Variants in MS4A1 observed in about 807,000 individuals in gnomAD.
MS4A1 encodes the protein membrane spanning 4-domains A1.
Under a neutral mutation model 26.5 loss-of-function variants are expected in MS4A1, and 16 were observed. The observed-to-expected ratio is 0.60, with a 90% confidence interval of 0.41 to 0.92. MS4A1 has a LOEUF of 0.92. MS4A1 is among the 40% of genes least tolerant of loss of function. The probability of loss-of-function intolerance (pLI) is 0.00; values close to 1 mark genes in which losing one functional copy is unlikely to be tolerated. For missense variants in MS4A1, 350 were observed against 353.0 expected (o/e 0.99, Z 0.07); for synonymous variants, 128 against 117.6 (o/e 1.09, Z -0.57).
Position 60,463,120 on chromosome 11 carries a change from TG to T in MS4A1, c.279+1del. On this transcript the variant is annotated frameshift_variant and splice_region_variant, in exon 4 of 8. Transcript: ENST00000345732. LOFTEE classifies it high-confidence loss of function. ...TGGTACCCTCTCTGGGGAGGCATTATGGTGAGTAAAAGAATAGCAGCCATTT... is the reference window on the plus strand; with the variant it reads ...TGGTACCCTCTCTGGGGAGGCATTATGTGAGTAAAAGAATAGCAGCCATTT... The part of the protein sequence containing the change: ...TVWYPLWGGI[M>X]YIISGSLLAA... The T allele has an allele frequency of 6.2e-7, 1 of 1,614,150 alleles. No homozygotes were observed. The highest frequency in any genetic ancestry group is 8.5e-7 in the Non-Finnish European group (1 of 1,180,008).
In MS4A1 at chr11:60,460,313, C is replaced by T. The variant is rs146490107; in HGVS notation, c.-279-759C>T. Among the ~76,000 whole-genome samples the T allele has an allele frequency of 6.1e-3, 932 of 152,256 alleles. 12 individuals carry two copies. Among genetic ancestry groups the T allele is most frequent in the African/African-American group, 0.021 (854 of 41,518 alleles). On this transcript the variant is annotated intron_variant, in intron 1 of 7. Coordinates refer to ENST00000345732, the MANE Select transcript of MS4A1 (RefSeq NM_152866.3). ...CTTGGCACAAGTAACCTAGCTTCTC[C>T]GTGCCCTTGTTTCCTCTTCTATAAA...
chr11:60,462,165 C>T lies in MS4A1; in HGVS notation c.-190-20C>T. The T allele has an allele frequency of 4.5e-6, 3 of 664,850 alleles. No homozygotes were observed. In the Admixed American group the frequency reaches 6.2e-5, roughly 14 times the overall value. The allele number at this position is 664,850 out of a possible 1,614,324, so 41.2% of individuals were successfully genotyped here. ...GGCCCACATGCTCTTCCTAAACAACCCCTCCATCTCCTTTCTCAGAACTCA... is the reference window on the plus strand; with the variant it reads ...GGCCCACATGCTCTTCCTAAACAACTCCTCCATCTCCTTTCTCAGAACTCA... On this transcript the variant is annotated intron_variant, in intron 2 of 7. Coordinates refer to ENST00000345732, the MANE Select transcript of MS4A1 (RefSeq NM_152866.3).
At position 60,464,362 on chromosome 11, in the gene MS4A1, C is replaced by T. The variant is rs377012945; in HGVS notation, c.336+18C>T. The T allele has an allele frequency of 1.2e-6, 2 of 1,610,580 alleles. No individual in the cohort carries two copies. Among genetic ancestry groups the T allele is most frequent in the African/African-American group, 2.7e-5 (2 of 74,714 alleles). On this transcript the variant is annotated intron_variant, in intron 5 of 7. Transcript: ENST00000345732. ...AGTGTTTGGCAAGTAACCATATGTC[C>T]TTCTTTCCCACATGTCAGAGAAGTA...
Position 60,470,374 on chromosome 11 carries a change from C to T in MS4A1, c.*1906C>T, listed in dbSNP as rs2086334155. The T allele has an allele frequency of 6.6e-6, 1 of 152,062 alleles. No homozygotes were observed. The highest frequency in any genetic ancestry group is 2.4e-5 in the African/African-American group (1 of 41,534). The allele number at this position is 152,062 out of a possible 1,614,324, so 9.4% of individuals were successfully genotyped here. On this transcript the variant is annotated 3_prime_UTR_variant, in exon 8 of 8. Coordinates refer to ENST00000345732, the MANE Select transcript of MS4A1 (RefSeq NM_152866.3). Reference sequence around the variant, plus strand: ...AAAGTCAGAAATCTTTAAAAAAATACAAGATCTTATTTCTATCTTATTTTT... The same window carrying T: ...AAAGTCAGAAATCTTTAAAAAAATATAAGATCTTATTTCTATCTTATTTTT...
At chr11:60,463,814 A>C (rs1403142899) in intron 4 of MS4A1, 1 of 455,834 alleles carries the variant, frequency 2.2e-6, no homozygotes, top group Non-Finnish European at 4.4e-6. Flanking sequence ...TTCCTGTAAC[A>C]GCCAATGTTT....
intron 4 of MS4A1, chr11:60,463,748 C>T: frequency 2.2e-6 from 1 of 452,356 alleles, no homozygotes; most frequent in Non-Finnish European, 4.5e-6. Flanking sequence ...ACAAGAGTTT[C>T]CTCCATTCTA....
intron 5 of MS4A1, 150 bp downstream of exon 5, chr11:60,464,494 T>C (rs1341532249): frequency 4.2e-6 from 3 of 720,258 alleles, no homozygotes; most frequent in Non-Finnish European, 7.3e-6. Context: ...ATTTTATTTA[T>C]GAAAAACTTA....
Position 60,468,335 on chromosome 11 carries a change from C to T in MS4A1, c.761C>T (p.Ser254Phe). The T allele has an allele frequency of 6.2e-7, 1 of 1,613,976 alleles. No homozygotes were observed. Among genetic ancestry groups the T allele is most frequent in the Non-Finnish European group, 8.5e-7 (1 of 1,179,940 alleles). Reference protein sequence around the residue: ...EEVVGLTETSSQPKNEEDIEI... With the variant: ...EEVVGLTETSFQPKNEEDIEI... ...GTGGTTGGGCTAACTGAAACATCTT[C>T]CCAACCAAAGAATGAAGAAGACATT... Residue 254 changes from serine to phenylalanine, a missense_variant, in exon 8 of 8, where the codon TCC becomes TTC. Physicochemically the swap from Ser to Phe is radical, Grantham distance 155. Transcript: ENST00000345732.
intron 5 of MS4A1, among the ~76,000 whole-genome samples, chr11:60,464,549 A>G (rs1263672801): frequency 6.6e-6 from 1 of 152,240 alleles, no homozygotes; most frequent in Non-Finnish European, 1.5e-5. Context: ...CAGAACTAAA[A>G]GCAGATCCAT....
At chr11:60,458,846 T>C (rs2086225083) in intron 1 of MS4A1, among the ~76,000 whole-genome samples, 1 of 97,132 alleles carries the variant, frequency 1.0e-5, no homozygotes, top group Admixed American at 1.2e-4. Context: ...AAAGATAGTT[T>C]CCATAAGAAA....
At chr11:60,458,579 G>T (rs780433467) in intron 1 of MS4A1, among the ~76,000 whole-genome samples, 1 of 152,154 alleles carries the variant, frequency 6.6e-6, no homozygotes, top group Non-Finnish European at 1.5e-5. Flanking sequence ...GGCTAATGTG[G>T]TCCATAACCC....
In MS4A1 at chr11:60,465,772, CAA is replaced by C. The variant is rs1007736757; in HGVS notation, c.337-147_337-146del. 6.0e-6 allele frequency: 4 copies of C among 661,736 alleles called. No homozygotes were observed. In the African/African-American group the frequency reaches 7.3e-5, roughly 12 times the overall value. The allele number at this position is 661,736 out of a possible 1,614,324, so 41.0% of individuals were successfully genotyped here. On this transcript the variant is annotated intron_variant, in intron 5 of 7. Coordinates refer to ENST00000345732, the MANE Select transcript of MS4A1 (RefSeq NM_152866.3). ...GAGACATGATTTTATTTTATAGTGA[CAA>C]AGAGGCTAAAAACAACTGAGAGAAC...
intron 5 of MS4A1, 93 bp downstream of exon 5, chr11:60,464,437 C>A: frequency 9.5e-7 from 1 of 1,050,670 alleles, no homozygotes; most frequent in Non-Finnish European, 1.5e-6. Flanking sequence ...CAAGGTATCA[C>A]AGCCTCTCAG....
intron 1 of MS4A1, 62 bp from the exon 2 acceptor site, chr11:60,461,010 G>C (rs56133318): frequency 6.6e-6 from 1 of 151,864 alleles, no homozygotes; most frequent in Non-Finnish European, 1.5e-5. Flanking sequence ...TGGGTTCTTT[G>C]CATACATTTA....
chr11:60,468,101 C>G, intron 7 of MS4A1, 149 bp from the exon 8 acceptor site: 1 of 668,290 alleles, frequency 1.5e-6, no homozygotes. Flanking sequence ...ATATAAGCAC[C>G]TGCAAAAAAA....
intron 7 of MS4A1, among the ~76,000 whole-genome samples, chr11:60,467,395 C>T (rs1590847850): frequency 6.6e-6 from 1 of 151,558 alleles, no homozygotes; most frequent in African/African-American, 2.4e-5. Flanking sequence ...TCCTGCCTCA[C>T]CCTCCCGAGT....
At chr11:60,465,705 G>T in intron 5 of MS4A1, 2 of 557,678 alleles carry the variant, frequency 3.6e-6, no homozygotes, top group East Asian at 3.1e-5. Flanking sequence ...AAAACAGATG[G>T]ATGGTGAATG....
intron 5 of MS4A1, 174 bp from the exon 6 acceptor site, chr11:60,465,747 G>A (rs1043860151): frequency 3.2e-6 from 2 of 622,654 alleles, no homozygotes; most frequent in Non-Finnish European, 2.9e-6. Flanking sequence ...GAACAGGATA[G>A]AGACATGATT....
intron 7 of MS4A1, 107 bp from the exon 8 acceptor site, chr11:60,468,143 A>G: frequency 1.9e-6 from 2 of 1,063,852 alleles, no homozygotes; most frequent in East Asian, 2.6e-5. Context: ...AATAAATGAC[A>G]TAAGTAGCAT....
Sources: gnomAD v4.1 joint callset for allele counts (sites outside exome capture counted in the v4.1 genomes callset) on GRCh38, gnomAD v4.1.1 for gene constraint, MANE v1.5 for transcripts, NCBI Gene and HGNC (gene_info 2026-07-23, HGNC 2026-07-21) for gene names.